DLGAP1: variants seen among roughly 807,000 people sequenced by gnomAD.
DLGAP1 encodes the protein DLG associated protein 1, also known as disks large-associated protein 1.
DLGAP1 carries 11 observed loss-of-function variants against 90.8 expected under a neutral mutation model. That is an observed-to-expected ratio of 0.12 (90% confidence interval 0.08 to 0.20). The LOEUF (loss-of-function observed/expected upper bound fraction) is 0.20. DLGAP1 is among the 10% of genes least tolerant of loss of function. The pLI is 1.00. For synonymous variants in DLGAP1, 558 were observed against 540.7 expected (o/e 1.03, Z -0.44); for missense variants, 1,050 against 1,333.8 (o/e 0.79, Z 3.31).
At chr18:3,725,686 A>G (rs2062145191) in intron 7 of DLGAP1, among the ~76,000 whole-genome samples, 2 of 152,222 alleles carry the variant, frequency 1.3e-5, no homozygotes, top group Admixed American at 1.3e-4. Flanking sequence ...CTTGAAGTAG[A>G]TTACAGGCTG....
chr18:4,341,387 T>A (rs1719027769), intron 1 of DLGAP1, among the ~76,000 whole-genome samples: 1 of 152,142 alleles, frequency 6.6e-6, no homozygotes, highest in South Asian at 2.1e-4. Context: ...ACAAGACAAT[T>A]GGATTATCAA....
At chr18:4,157,708 T>G (rs2076780289) in intron 1 of DLGAP1, among the ~76,000 whole-genome samples, 1 of 152,316 alleles carries the variant, frequency 6.6e-6, no homozygotes, top group East Asian at 1.9e-4. Flanking sequence ...CATTCTGCGC[T>G]GCCTCATTCA....
At chr18:4,341,094 C>T (rs1222383778) in intron 1 of DLGAP1, among the ~76,000 whole-genome samples, 1 of 151,832 alleles carries the variant, frequency 6.6e-6, no homozygotes, top group Non-Finnish European at 1.5e-5. Flanking sequence ...TAATACTAGA[C>T]CTGAGTGAAA....
intron 1 of DLGAP1, among the ~76,000 whole-genome samples, chr18:4,205,516 A>G (rs972464422): frequency 2.0e-5 from 3 of 152,184 alleles, no homozygotes; most frequent in Non-Finnish European, 4.4e-5. Flanking sequence ...TTTTTGAGAC[A>G]GGGTCTCATT....
intron 8 of DLGAP1, among the ~76,000 whole-genome samples, chr18:3,580,983 G>A (rs1331033186): frequency 2.0e-5 from 3 of 152,264 alleles, no homozygotes; most frequent in South Asian, 2.1e-4. Context: ...GTTATTTACG[G>A]CTTTTTGCTG....
chr18:4,416,639 A>G lies in DLGAP1; in HGVS notation c.-267+38367T>C, dbSNP rs182597686. Among the ~76,000 whole-genome samples, 139 of 152,352 alleles carry G rather than the reference A, an allele frequency of 9.1e-4. 1 individual carries two copies. Among genetic ancestry groups the G allele is most frequent in the African/African-American group, 3.1e-3 (131 of 41,590 alleles). On this transcript the variant is annotated intron_variant, in intron 1 of 12. Transcript: ENST00000315677. ...CTCATCTAACTTTCTATAAGATCCAATAATCTTAATATTTGTTTACTGCCA... is the reference window on the plus strand; with the variant it reads ...CTCATCTAACTTTCTATAAGATCCAGTAATCTTAATATTTGTTTACTGCCA...
chr18:4,126,924 A>T (rs1598444005), intron 2 of DLGAP1, among the ~76,000 whole-genome samples: 1 of 152,356 alleles, frequency 6.6e-6, no homozygotes, highest in East Asian at 1.9e-4. Context: ...TACAGGAAAT[A>T]GCAAAAGGTG....
intron 1 of DLGAP1, among the ~76,000 whole-genome samples, chr18:4,296,627 GA>G (rs1422589300): frequency 3.3e-5 from 5 of 152,134 alleles, no homozygotes; most frequent in Non-Finnish European, 7.3e-5. Context: ...TGGCTGTCTT[GA>G]TTAATAGCTC....
At chr18:3,951,574 G>C (rs560859267) in intron 3 of DLGAP1, among the ~76,000 whole-genome samples, 99 of 152,286 alleles carry the variant, frequency 6.5e-4, no homozygotes, top group African/African-American at 2.1e-3. Context: ...TTACAGAGAA[G>C]AAAAGTTGAG....
chr18:4,033,689 T>C lies in DLGAP1; in HGVS notation c.-158-28488A>G, dbSNP rs113340852. ...TTTTCCAAATAATTCGGGTGAAAAATGGTATCTTCCTTTATTTTGCACTTC... is the reference window on the plus strand; with the variant it reads ...TTTTCCAAATAATTCGGGTGAAAAACGGTATCTTCCTTTATTTTGCACTTC... On this transcript the variant is annotated intron_variant, in intron 2 of 12. Coordinates refer to ENST00000315677, the MANE Select transcript of DLGAP1 (RefSeq NM_004746.4). 2.6e-3 allele frequency among the ~76,000 whole-genome samples: 396 copies of C among 151,982 alleles called. 4 individuals are homozygous for C. Among genetic ancestry groups the C allele is most frequent in the Middle Eastern group, 0.014 (4 of 292 alleles).
Position 4,035,626 on chromosome 18 carries a change from T to C in DLGAP1, c.-158-30425A>G, listed in dbSNP as rs551308706. ...TTCTCTAGGTTCTGAGCTTTAGGAA[T>C]GTTCCTGAAATAAATCCGTTGAGCT... is the stretch of plus-strand genomic sequence containing the variant. On this transcript the variant is annotated intron_variant, in intron 2 of 12. Transcript: ENST00000315677. Among the ~76,000 whole-genome samples the C allele has an allele frequency of 3.1e-3, 475 of 152,300 alleles. 1 individual carries two copies. Among genetic ancestry groups the C allele is most frequent in the Non-Finnish European group, 5.1e-3 (344 of 68,022 alleles).
chr18:4,379,706 G>A (rs1329420559), intron 1 of DLGAP1, among the ~76,000 whole-genome samples: 1 of 152,090 alleles, frequency 6.6e-6, no homozygotes, highest in African/African-American at 2.4e-5. Flanking sequence ...TTCTTCAATA[G>A]TTTCTATAAT....
intron 1 of DLGAP1, among the ~76,000 whole-genome samples, chr18:4,287,039 A>T (rs1475172273): frequency 6.6e-6 from 1 of 152,148 alleles, no homozygotes; most frequent in African/African-American, 2.4e-5. Flanking sequence ...CTTTAAGAAA[A>T]GCATGTCATG....
At chr18:4,007,978 A>G (rs2074337898) in intron 2 of DLGAP1, among the ~76,000 whole-genome samples, 1 of 152,178 alleles carries the variant, frequency 6.6e-6, no homozygotes. Flanking sequence ...CACATTTGGA[A>G]AATATGACTA....
intron 4 of DLGAP1, among the ~76,000 whole-genome samples, chr18:3,825,895 T>C (rs977419688): frequency 1.3e-5 from 2 of 152,166 alleles, no homozygotes; most frequent in Non-Finnish European, 2.9e-5. Flanking sequence ...CAATCGTAGG[T>C]TGGATAAAGA....
At chr18:4,269,393 G>T (rs1333002008) in intron 1 of DLGAP1, among the ~76,000 whole-genome samples, 5 of 133,968 alleles carry the variant, frequency 3.7e-5, no homozygotes, top group South Asian at 4.7e-4. Context: ...TTGCTCTGTC[G>T]CCCAGGCTGG....
intron 5 of DLGAP1, among the ~76,000 whole-genome samples, chr18:3,813,273 ACCATT>A (rs1366118579): frequency 1.3e-5 from 2 of 152,196 alleles, no homozygotes; most frequent in African/African-American, 2.4e-5. Flanking sequence ...ACAAATACTT[ACCATT>A]GTGTGAGAGT....
Position 3,576,932 on chromosome 18 carries a change from G to A in DLGAP1, c.1965+4943C>T, listed in dbSNP as rs150548078. ...GGCTGGAGTGCAATGGCACAATCTC[G>A]GCTCACTGCAACCTCCGTCTCCCAG... On this transcript the variant is annotated intron_variant, in intron 8 of 12. Transcript: ENST00000315677. 2.1e-3 allele frequency among the ~76,000 whole-genome samples: 314 copies of A among 150,908 alleles called. 1 individual carries two copies. The highest frequency in any genetic ancestry group is 7.4e-3 in the African/African-American group (302 of 40,970).
At chr18:4,397,364 C>A (rs1213051357) in intron 1 of DLGAP1, among the ~76,000 whole-genome samples, 4 of 152,136 alleles carry the variant, frequency 2.6e-5, no homozygotes, top group East Asian at 3.8e-4. Flanking sequence ...TAAAATAGAT[C>A]ATTTTAAATT....
Sources: allele counts gnomAD v4.1 joint callset (sites outside exome capture counted in the v4.1 genomes callset), GRCh38; gene constraint gnomAD v4.1.1; transcripts MANE v1.5; gene names NCBI Gene and HGNC (gene_info 2026-07-23, HGNC 2026-07-21).